Variants in RIF1 observed in about 807,000 individuals in gnomAD.
RIF1 encodes replication timing regulatory factor 1.
In RIF1, 45 loss-of-function variants were observed where a neutral mutation model predicts 247.1. That is an observed-to-expected ratio of 0.18 (90% CI 0.14 to 0.23). The LOEUF is 0.23. RIF1 is among the 10% of genes least tolerant of loss of function. RIF1 has a pLI of 1.00. For synonymous variants in RIF1, 1,087 were observed against 978.8 expected (o/e 1.11, Z -2.06); for missense variants, 2,967 against 2,862.5 (o/e 1.04, Z -0.83).
the RIF1 span, among the ~76,000 whole-genome samples, chr2:151,521,389 G>C: frequency 6.6e-6 from 1 of 152,126 alleles, no homozygotes; most frequent in Non-Finnish European, 1.5e-5. Flanking sequence ...GCTCTTCTCT[G>C]AAAAAGTTTC....
intron 34 of RIF1, among the ~76,000 whole-genome samples, chr2:151,470,733 G>T (rs1697659091): frequency 6.6e-6 from 1 of 152,068 alleles, no homozygotes. Flanking sequence ...TATTCTTGAA[G>T]GTCCTTGATT....
chr2:151,513,432 AT>A, the RIF1 span: 2 of 633,332 alleles, frequency 3.2e-6, no homozygotes, highest in Non-Finnish European at 2.7e-6. Flanking sequence ...CCATCCTTTC[AT>A]TGGGATGGCT....
At chr2:151,499,015 A>C (rs2062409359) in intron 10 of RIF1, among the ~76,000 whole-genome samples, 1 of 133,080 alleles carries the variant, frequency 7.5e-6, no homozygotes, top group Non-Finnish European at 1.6e-5. Context: ...GGTTCAGATC[A>C]AATTTGCCAA....
the RIF1 span, among the ~76,000 whole-genome samples, chr2:151,515,388 T>G: frequency 2.0e-5 from 3 of 152,328 alleles, 1 homozygote; most frequent in South Asian, 6.2e-4. Context: ...AATCATGACC[T>G]GTTTTTTTAA....
Position 151,478,081 on chromosome 2 carries a change from CAT to C in RIF1, c.*3011_*3012del, listed in dbSNP as rs1375174986. The C allele has an allele frequency of 2.0e-5, 3 of 152,314 alleles. No individual in the cohort carries two copies. Among genetic ancestry groups the C allele is most frequent in the Non-Finnish European group, 4.4e-5 (3 of 68,032 alleles). 9.4% of individuals were successfully genotyped at this position (152,314 alleles called of 1,614,324 possible). On this transcript the variant is annotated 3_prime_UTR_variant, in exon 36 of 36. Transcript: ENST00000444746. Reference sequence around the variant, plus strand: ...TAAATTTTCAATATTTCAGTGACCTCATTGTTAAAGCTGCTTTGCCACTTGTA... The same window carrying C: ...TAAATTTTCAATATTTCAGTGACCTCTGTTAAAGCTGCTTTGCCACTTGTA...
intron 11 of RIF1, among the ~76,000 whole-genome samples, chr2:151,502,256 A>C (rs544910782): frequency 5.3e-5 from 8 of 152,282 alleles, no homozygotes; most frequent in African/African-American, 1.9e-4. Context: ...AAAACACTAC[A>C]AATATGGTGC....
intron 8 of RIF1, among the ~76,000 whole-genome samples, chr2:151,426,916 G>A (rs1404072965): frequency 6.6e-6 from 1 of 151,980 alleles, no homozygotes; most frequent in African/African-American, 2.4e-5. Context: ...CAAAGTGCTG[G>A]GATTACAGGT....
chr2:151,514,293 T>G, the RIF1 span: 1 of 1,479,006 alleles, frequency 6.8e-7, no homozygotes, highest in East Asian at 2.3e-5. Flanking sequence ...ATGAATTACG[T>G]GCAGGCAGTC....
exon 14 of RIF1, chr2:151,507,892 G>GA (rs1397006311): frequency 1.4e-6 from 1 of 709,672 alleles, no homozygotes; most frequent in African/African-American, 1.8e-5. Flanking sequence ...GGCAGGATGG[G>GA]AGTTGTGGAG....
chr2:151,474,009 GA>G lies in RIF1; in HGVS notation c.7147del (p.Thr2383GlnfsTer2). The stretch of plus-strand genomic sequence containing the variant: ...AGAGATTCCAGTTTTTGATATTTCT[GA>G]AAAAACAGTAAATGGAATAGAAAAT... ...LEEIPVFDIS[E>X]KTVNGIENKS... On this transcript the variant is annotated frameshift_variant, in exon 35 of 36. Coordinates refer to ENST00000444746, the MANE Select transcript of RIF1 (RefSeq NM_018151.5). LOFTEE classifies it high-confidence loss of function. 6.3e-7 allele frequency: 1 copy of G among 1,598,254 alleles called. No individual in the cohort carries two copies. The highest frequency in any genetic ancestry group is 8.6e-7 in the Non-Finnish European group (1 of 1,167,628).
At chr2:151,518,854 G>T in the RIF1 span, 1 of 689,946 alleles carries the variant, frequency 1.4e-6, no homozygotes. Flanking sequence ...GAACAGTTTT[G>T]TAATAAATCT....
At chr2:151,415,610 A>G (rs1025605276) in intron 4 of RIF1, among the ~76,000 whole-genome samples, 7 of 145,080 alleles carry the variant, frequency 4.8e-5, no homozygotes, top group Non-Finnish European at 9.0e-5. Context: ...GCAGTGTCTC[A>G]TGCCTGTAAT....
intron 25 of RIF1, 145 bp from the exon 26 acceptor site, chr2:151,459,851 CCTTT>C (rs1468756747): frequency 1.5e-6 from 1 of 666,252 alleles, no homozygotes; most frequent in African/African-American, 1.9e-5. Context: ...CAGTGGCTTT[CCTTT>C]CTTTGATTTT....
intron 10 of RIF1, chr2:151,496,317 CG>C (rs2060146436): frequency 6.2e-7 from 1 of 1,612,120 alleles, no homozygotes; most frequent in Non-Finnish European, 8.5e-7. Context: ...CGCTCCATCT[CG>C]GGAGTGACAG....
In RIF1 at chr2:151,472,535, G is replaced by A. The variant is rs569973045; in HGVS notation, c.7096-1429G>A. 6.2e-4 allele frequency among the ~76,000 whole-genome samples: 94 copies of A among 152,252 alleles called. No homozygotes were observed. In the South Asian group the frequency reaches 0.018, roughly 30 times the overall value. On this transcript the variant is annotated intron_variant, in intron 34 of 35. Transcript: ENST00000444746. Reference sequence around the variant, plus strand: ...TCATAAATAGCTCTTATTATTTTGAGATACGTCCCATCAATACCTAGTTTA... The same window carrying A: ...TCATAAATAGCTCTTATTATTTTGAAATACGTCCCATCAATACCTAGTTTA...
intron 30 of RIF1, 145 bp from the exon 31 acceptor site, chr2:151,467,855 C>T (rs941172571): frequency 3.3e-5 from 21 of 637,286 alleles, no homozygotes; most frequent in African/African-American, 2.8e-4. Flanking sequence ...TGAAGGCAGT[C>T]GCTAGGAACT....
At chr2:151,437,130 T>G (rs1691374888) in intron 12 of RIF1, 111 bp from the exon 13 acceptor site, 1 of 1,227,628 alleles carries the variant, frequency 8.1e-7, no homozygotes, top group Non-Finnish European at 1.1e-6. Flanking sequence ...ATATGAATCT[T>G]TTTTTTATAG....
At chr2:151,417,040 G>A in intron 6 of RIF1, 139 bp downstream of exon 6, 1 of 631,378 alleles carries the variant, frequency 1.6e-6, no homozygotes, top group Non-Finnish European at 2.7e-6. Context: ...AGGACAAAAA[G>A]TAATAGAAAA....
At chr2:151,469,415 T>C (rs982110910) in intron 33 of RIF1, among the ~76,000 whole-genome samples, 8 of 152,152 alleles carry the variant, frequency 5.3e-5, no homozygotes, top group African/African-American at 1.9e-4. Context: ...CAAGTCCATT[T>C]CTGATTAAAG....
Sources: allele counts gnomAD v4.1 joint callset (sites outside exome capture counted in the v4.1 genomes callset), GRCh38; gene constraint gnomAD v4.1.1; transcripts MANE v1.5; gene names NCBI Gene and HGNC (gene_info 2026-07-23, HGNC 2026-07-21).